The following ATP8B4 variants were observed in gnomAD, a reference collection of about 807,000 sequenced individuals.
ATP8B4 encodes probable phospholipid-transporting ATPase IM.
A neutral mutation model predicts 145.6 loss-of-function variants in ATP8B4; 133 were observed. The ratio of observed to expected loss-of-function variants is 0.91; its 90% CI spans 0.79 to 1.05. The LOEUF is 1.05. Ranked by LOEUF, ATP8B4 falls within the 50% of genes least tolerant of loss-of-function variation. The probability of loss-of-function intolerance (pLI) is 0.00; values close to 1 mark genes in which losing one functional copy is unlikely to be tolerated. For missense variants in ATP8B4, 1,458 were observed against 1,425.2 expected (o/e 1.02, Z -0.37); for synonymous variants, 507 against 492.9 (o/e 1.03, Z -0.38).
chr15:50,054,368 C>A (rs1165468537), intron 3 of ATP8B4, among the ~76,000 whole-genome samples: 1 of 152,204 alleles, frequency 6.6e-6, no homozygotes, highest in African/African-American at 2.4e-5. Flanking sequence ...AAAAGAGTCA[C>A]CATGGGTCCA....
At chr15:49,927,011 C>A (rs922755720) in intron 16 of ATP8B4, among the ~76,000 whole-genome samples, 28 of 152,074 alleles carry the variant, frequency 1.8e-4, no homozygotes, top group Non-Finnish European at 4.0e-4. Context: ...CTTGTAATTT[C>A]TTCTTCTTTA....
intron 1 of ATP8B4, among the ~76,000 whole-genome samples, chr15:50,109,066 T>C (rs912237330): frequency 3.3e-5 from 5 of 152,126 alleles, no homozygotes; most frequent in Non-Finnish European, 5.9e-5. Flanking sequence ...TGGCTGCAGC[T>C]TTTTTGGCTG....
intron 17 of ATP8B4, chr15:49,922,343 T>C (rs1418404745): frequency 2.4e-6 from 1 of 423,774 alleles, no homozygotes; most frequent in South Asian, 1.8e-5. Flanking sequence ...CGGCAATAAG[T>C]CAGACACTTA....
intron 10 of ATP8B4, 47 bp from the exon 11 acceptor site, chr15:49,981,341 G>A (rs548077641): frequency 7.2e-7 from 1 of 1,386,086 alleles, no homozygotes; most frequent in Non-Finnish European, 1.0e-6. Flanking sequence ...ATATGATTAT[G>A]TATTCTTATT....
chr15:50,088,564 C>T (rs1402128886), intron 2 of ATP8B4, among the ~76,000 whole-genome samples: 1 of 152,148 alleles, frequency 6.6e-6, no homozygotes, highest in Non-Finnish European at 1.5e-5. Flanking sequence ...TTCAAATCTG[C>T]AATCAAATAT....
chr15:50,092,850 C>A lies in ATP8B4; in HGVS notation c.28+14089G>T, dbSNP rs191878036. On this transcript the variant is annotated intron_variant, in intron 2 of 27. Transcript: ENST00000284509. ...TCCAAAACTTTCAAAAGACATCAAACTACAAAATGAAGAATTTCTAAGAAT... is the reference window on the plus strand; with the variant it reads ...TCCAAAACTTTCAAAAGACATCAAAATACAAAATGAAGAATTTCTAAGAAT... 5.0e-3 allele frequency among the ~76,000 whole-genome samples: 756 copies of A among 151,918 alleles called. 7 individuals carry two copies. Among genetic ancestry groups the A allele is most frequent in the African/African-American group, 0.018 (733 of 41,512 alleles).
At chr15:49,901,287 T>C (rs776142487) in intron 20 of ATP8B4, 48 bp from the exon 21 acceptor site, 3 of 1,563,928 alleles carry the variant, frequency 1.9e-6, no homozygotes, top group Non-Finnish European at 8.7e-7. Context: ...ATACAGAGCA[T>C]GCCTACTAAT....
chr15:50,147,115 G>T (rs2044287271), intron 1 of ATP8B4, among the ~76,000 whole-genome samples: 1 of 152,038 alleles, frequency 6.6e-6, no homozygotes. Context: ...CAAATTCGAG[G>T]TCTTTAAAAC....
chr15:49,879,604 C>T (rs1209044142), intron 23 of ATP8B4, 145 bp from the exon 24 acceptor site: 1 of 652,112 alleles, frequency 1.5e-6, no homozygotes, highest in Non-Finnish European at 2.6e-6. Context: ...CTAGACCTGC[C>T]TCTTATCAGC....
In ATP8B4 at chr15:49,898,824, C is replaced by T. The variant is rs555103513; in HGVS notation, c.2290-573G>A. On this transcript the variant is annotated intron_variant, in intron 21 of 27. Coordinates refer to ENST00000284509, the MANE Select transcript of ATP8B4 (RefSeq NM_024837.4). ...GTGCAAAAGGGGGGCACGCAAGCTG[C>T]GTCACAGACAGGGTTCCTCAACCAT... Among the ~76,000 whole-genome samples, 4 of 152,260 alleles carry T rather than the reference C, an allele frequency of 2.6e-5. No individual in the cohort carries two copies. The East Asian group carries it at 5.8e-4, about 22-fold the overall frequency.
intron 12 of ATP8B4, 77 bp downstream of exon 12, chr15:49,979,540 G>A (rs2153532482): frequency 8.0e-7 from 1 of 1,255,682 alleles, no homozygotes; most frequent in Non-Finnish European, 1.1e-6. Flanking sequence ...TTGCACTGCT[G>A]AAACTTTAAA....
chr15:50,152,089 TTTC>T (rs1373990749), intron 1 of ATP8B4, among the ~76,000 whole-genome samples: 8 of 152,268 alleles, frequency 5.3e-5, no homozygotes, highest in East Asian at 1.9e-4. Flanking sequence ...TAAACCCATG[TTTC>T]TTCATTAGAA....
At chr15:50,151,477 T>C (rs1377766937) in intron 1 of ATP8B4, among the ~76,000 whole-genome samples, 1 of 152,178 alleles carries the variant, frequency 6.6e-6, no homozygotes, top group East Asian at 1.9e-4. Context: ...CACTGTCAAA[T>C]ATGATATTTT....
chr15:50,048,712 A>T (rs1716430740), intron 3 of ATP8B4, among the ~76,000 whole-genome samples: 1 of 151,922 alleles, frequency 6.6e-6, no homozygotes, highest in South Asian at 2.1e-4. Context: ...TGCCAAAAAA[A>T]AAAAAGGAAA....
chr15:50,147,266 A>G (rs1434411718), intron 1 of ATP8B4, among the ~76,000 whole-genome samples: 1 of 152,002 alleles, frequency 6.6e-6, no homozygotes, highest in African/African-American at 2.4e-5. Flanking sequence ...AATTACAAGA[A>G]TTAGTCGGGT....
chr15:50,002,815 G>A (rs1387518798), intron 7 of ATP8B4, among the ~76,000 whole-genome samples: 2 of 152,126 alleles, frequency 1.3e-5, no homozygotes, highest in Non-Finnish European at 2.9e-5. Context: ...AAGAGAAAAT[G>A]TAGTCAAAGG....
chr15:49,979,562 T>A, intron 12 of ATP8B4, 55 bp downstream of exon 12: 1 of 1,324,390 alleles, frequency 7.6e-7, no homozygotes, highest in East Asian at 2.4e-5. Flanking sequence ...CAAATAATAT[T>A]GGAAACAAAG....
At chr15:50,019,018 C>A in intron 6 of ATP8B4, 1 of 952,994 alleles carries the variant, frequency 1.0e-6, no homozygotes, top group Non-Finnish European at 1.5e-6. Context: ...AATGTAAATC[C>A]ATGAATGACA....
intron 1 of ATP8B4, among the ~76,000 whole-genome samples, chr15:50,178,609 T>G (rs1039225903): frequency 6.6e-6 from 1 of 152,204 alleles, no homozygotes; most frequent in Non-Finnish European, 1.5e-5. Flanking sequence ...GTGATCCTCC[T>G]GCCTCAGTCT....
Sources: allele counts gnomAD v4.1 joint callset (sites outside exome capture counted in the v4.1 genomes callset), GRCh38; gene constraint gnomAD v4.1.1; transcripts MANE v1.5; gene names NCBI Gene and HGNC (gene_info 2026-07-23, HGNC 2026-07-21).